Variants in DPP6 observed in about 807,000 individuals in gnomAD.
DPP6 encodes A-type potassium channel modulatory protein DPP6.
A neutral mutation model predicts 122.6 loss-of-function variants in DPP6; 69 were observed. That is an observed-to-expected ratio of 0.56 (90% CI 0.46 to 0.69). The LOEUF is 0.69. Among genes scored for constraint, DPP6 ranks in the 30% least tolerant of loss-of-function variants. The pLI is 0.00. For synonymous variants in DPP6, 418 were observed against 433.1 expected (o/e 0.97, Z 0.43); for missense variants, 928 against 1,116.9 (o/e 0.83, Z 2.41).
intron 3 of DPP6, among the ~76,000 whole-genome samples, chr7:154,505,402 G>A (rs10952489): frequency 0.23 from 34,417 of 152,014 alleles, 3,990 homozygotes; most frequent in Middle Eastern, 0.32. Flanking sequence ...ATGCATCACT[G>A]TTAGACAAAA....
chr7:154,088,753 G>A (rs1804609316), intron 1 of DPP6, among the ~76,000 whole-genome samples: 1 of 151,980 alleles, frequency 6.6e-6, no homozygotes, highest in Admixed American at 6.5e-5. Context: ...TCAGTTCTAG[G>A]AGACACATTT....
At chr7:154,653,780 C>T (rs1267355119) in intron 6 of DPP6, among the ~76,000 whole-genome samples, 3 of 152,074 alleles carry the variant, frequency 2.0e-5, no homozygotes, top group Admixed American at 6.5e-5. Flanking sequence ...TTTCTGCTTC[C>T]CCGTCATGTC....
At chr7:153,784,811 G>A in the DPP6 span, among the ~76,000 whole-genome samples, 4 of 152,024 alleles carry the variant, frequency 2.6e-5, no homozygotes, top group Admixed American at 2.6e-4. Flanking sequence ...GGTATAAAGT[G>A]GATACAAATT....
chr7:154,190,661 A>G (rs2150764783), intron 1 of DPP6, among the ~76,000 whole-genome samples: 1 of 152,120 alleles, frequency 6.6e-6, no homozygotes, highest in Middle Eastern at 3.4e-3. Flanking sequence ...CTTGCTATTG[A>G]TTACGCAGAT....
intron 1 of DPP6, chr7:154,305,153 C>A (rs1050560280): frequency 1.3e-6 from 1 of 741,342 alleles, no homozygotes; most frequent in Non-Finnish European, 1.7e-6. Context: ...GGAGGCAGCG[C>A]GCATCACTCG....
At chr7:154,721,572 T>C (rs1841810969) in intron 7 of DPP6, among the ~76,000 whole-genome samples, 1 of 152,164 alleles carries the variant, frequency 6.6e-6, no homozygotes, top group Non-Finnish European at 1.5e-5. Context: ...GAAATGTTCA[T>C]GACCTTGGAT....
chr7:154,151,928 C>T (rs1437938924), intron 1 of DPP6, among the ~76,000 whole-genome samples: 3 of 151,392 alleles, frequency 2.0e-5, no homozygotes, highest in Admixed American at 6.6e-5. Flanking sequence ...CACCTGCCTA[C>T]GAGATCAACC....
intron 5 of DPP6, among the ~76,000 whole-genome samples, chr7:154,623,423 G>T (rs187120624): frequency 1.3e-5 from 2 of 152,094 alleles, no homozygotes; most frequent in Non-Finnish European, 2.9e-5. Flanking sequence ...TTGCTGCGTC[G>T]GGAACCTCTT....
At chr7:154,409,602 G>A (rs141551888) in intron 1 of DPP6, among the ~76,000 whole-genome samples, 1 of 152,270 alleles carries the variant, frequency 6.6e-6, no homozygotes, top group East Asian at 1.9e-4. Flanking sequence ...CTCTCATGTT[G>A]GTTCCTCTGT....
chr7:154,792,425 G>A (rs940743082), intron 10 of DPP6, among the ~76,000 whole-genome samples: 7 of 152,268 alleles, frequency 4.6e-5, no homozygotes, highest in South Asian at 2.1e-4. Context: ...AGGCAGAGAC[G>A]TTGAATTATA....
In DPP6 at chr7:154,195,072, G is replaced by A. The variant is rs145181139; in HGVS notation, c.243+142009G>A. 3.5e-4 allele frequency among the ~76,000 whole-genome samples: 54 copies of A among 152,194 alleles called. 1 individual carries two copies. In the East Asian group the frequency reaches 0.01, roughly 30 times the overall value. On this transcript the variant is annotated intron_variant, in intron 1 of 25. Transcript: ENST00000377770. Reference sequence around the variant, plus strand: ...TAGGAAATCTCTGCCTAGTAGAGAGGGTCACAAGGTTCTCTTCTATCTTTT... The same window carrying A: ...TAGGAAATCTCTGCCTAGTAGAGAGAGTCACAAGGTTCTCTTCTATCTTTT...
chr7:154,042,161 G>A (rs894737606), intron 1 of DPP6, among the ~76,000 whole-genome samples: 15 of 152,138 alleles, frequency 9.9e-5, no homozygotes, highest in Non-Finnish European at 1.3e-4. Context: ...GCAGGCCAGG[G>A]GAGGGGTCCC....
chr7:154,711,403 A>G lies in DPP6; in HGVS notation c.763-16364A>G, dbSNP rs370053547. The stretch of plus-strand genomic sequence containing the variant: ...AAGAACAAATAATAAATAAATAAAT[A>G]GTTCTCCTTTTCAACAGAAGTTTGG... On this transcript the variant is annotated intron_variant, in intron 7 of 25. Coordinates refer to ENST00000377770, the MANE Select transcript of DPP6 (RefSeq NM_130797.4). 8.5e-5 allele frequency among the ~76,000 whole-genome samples: 13 copies of G among 152,366 alleles called. No homozygotes were observed. In the South Asian group the frequency reaches 2.7e-3, roughly 32 times the overall value.
intron 3 of DPP6, among the ~76,000 whole-genome samples, chr7:154,488,450 CT>C (rs1368692319): frequency 1.4e-5 from 2 of 145,996 alleles, no homozygotes; most frequent in African/African-American, 5.5e-5. Flanking sequence ...GAGACTCTGT[CT>C]CAAAAAAAAA....
intron 1 of DPP6, among the ~76,000 whole-genome samples, chr7:154,274,921 T>G (rs986559778): frequency 3.9e-4 from 60 of 152,358 alleles, no homozygotes; most frequent in Admixed American, 3.1e-3. Context: ...CCTCCCAGGC[T>G]CTGTCATAAT....
intron 5 of DPP6, among the ~76,000 whole-genome samples, chr7:154,579,341 C>T (rs1831891931): frequency 6.6e-6 from 1 of 152,066 alleles, no homozygotes; most frequent in African/African-American, 2.4e-5. Flanking sequence ...AAGAGCAAAA[C>T]TCCGTCTCAA....
intron 1 of DPP6, among the ~76,000 whole-genome samples, chr7:154,404,282 A>G (rs999561830): frequency 6.6e-6 from 1 of 152,234 alleles, no homozygotes; most frequent in Non-Finnish European, 1.5e-5. Context: ...AGCAGCATGT[A>G]TCATGTAAAT....
At chr7:154,101,875 C>G (rs1237881526) in intron 1 of DPP6, among the ~76,000 whole-genome samples, 1 of 147,134 alleles carries the variant, frequency 6.8e-6, no homozygotes, top group Non-Finnish European at 1.5e-5. Context: ...TTTCAGTGAG[C>G]CGAGATGGCG....
At chr7:154,236,154 G>A (rs1801201077) in intron 1 of DPP6, among the ~76,000 whole-genome samples, 1 of 152,084 alleles carries the variant, frequency 6.6e-6, no homozygotes, top group Admixed American at 6.6e-5. Context: ...TGTCCAGCCA[G>A]TTTTATTATC....
Sources: gnomAD v4.1 joint callset for allele counts (sites outside exome capture counted in the v4.1 genomes callset) on GRCh38, gnomAD v4.1.1 for gene constraint, MANE v1.5 for transcripts, NCBI Gene and HGNC (gene_info 2026-07-23, HGNC 2026-07-21) for gene names.